SMUG1: variants seen among roughly 807,000 people sequenced by gnomAD.
The protein encoded by SMUG1 is single-strand-selective monofunctional uracil-DNA glycosylase 1.
In SMUG1, 13 loss-of-function variants were observed where a neutral mutation model predicts 23.9. The ratio of observed to expected loss-of-function variants is 0.54; its 90% confidence interval spans 0.35 to 0.86. SMUG1 has a LOEUF of 0.86. Ranked by LOEUF, SMUG1 falls within the 40% of genes least tolerant of loss-of-function variation. The pLI, the probability that SMUG1 is intolerant of heterozygous loss-of-function variation, is 0.01. For missense variants in SMUG1, 313 were observed against 339.5 expected, an observed-to-expected ratio of 0.92 and a Z score of 0.61; for synonymous variants, 133 against 139.8, an observed-to-expected ratio of 0.95 and a Z score of 0.34.
intron 2 of SMUG1, among the ~76,000 whole-genome samples, chr12:54,186,226 C>CT (rs1942416259): frequency 1.3e-5 from 2 of 152,200 alleles, no homozygotes; most frequent in Admixed American, 6.5e-5. Context: ...CAAACCATCC[C>CT]TTTGATAAAG....
rs1470431871 is a variant in SMUG1, at chr12:54,182,211, T to C, written c.698A>G (p.Gln233Arg). The change falls in exon 4 of 4, where the codon CAG (glutamine) becomes CGG (arginine). Residue 233 changes from glutamine (Q) to arginine (R), a missense_variant. Transcript: ENST00000682136. ...RALAGLMPEV[Q>R]VEGLLHPSPR... ...AGAGGGATGCAGGAGCCCTTCCACC[T>C]GGACCTCTGGCATCAGGCCTGCCAG... is the stretch of plus-strand genomic sequence containing the variant. 3.1e-6 allele frequency: 5 copies of C among 1,612,026 alleles called. No individual in the cohort carries two copies. The highest frequency in any genetic ancestry group is 3.4e-6 in the Non-Finnish European group (4 of 1,178,662).
At chr12:54,188,819 G>C (rs57222222) in intron 1 of SMUG1, 132 bp downstream of exon 1, 1 of 152,024 alleles carries the variant, frequency 6.6e-6, no homozygotes, top group African/African-American at 2.4e-5. Flanking sequence ...CCTGCACTGA[G>C]TCTTACCCCA....
intron 3 of SMUG1, among the ~76,000 whole-genome samples, chr12:54,171,314 T>C (rs1940609269): frequency 6.6e-6 from 1 of 151,396 alleles, no homozygotes; most frequent in Non-Finnish European, 1.5e-5. Context: ...TCACTTTCTA[T>C]CAGCTTTCAC....
downstream of SMUG1, among the ~76,000 whole-genome samples, chr12:54,179,062 G>A (rs1565806988): frequency 6.6e-6 from 1 of 152,148 alleles, no homozygotes; most frequent in Non-Finnish European, 1.5e-5. Flanking sequence ...TTCAGCTTTT[G>A]GACTCTTGGA....
chr12:54,172,158 CAGTG>C (rs1940636649), intron 2 of SMUG1: 1 of 440,896 alleles, frequency 2.3e-6, no homozygotes. Context: ...TGAAACCCTG[CAGTG>C]ACTTCCCATG....
chr12:54,181,609 T>C lies in SMUG1; in HGVS notation c.*487A>G, dbSNP rs1449888239. ...TCCAGCTGCAGCCTCCCATAAGAAG[T>C]TCACTCTTAATTTCATGTCCCATGC... On this transcript the variant is annotated 3_prime_UTR_variant, in exon 4 of 4. Coordinates refer to ENST00000682136, the MANE Select transcript of SMUG1 (RefSeq NM_001243787.2). 5 of 1,582,774 alleles carry C rather than the reference T, an allele frequency of 3.2e-6. No individual in the cohort carries two copies. The highest frequency in any genetic ancestry group is 4.3e-6 in the Non-Finnish European group (5 of 1,171,932).
At chr12:54,166,578 G>A (rs931747279) in intron 3 of SMUG1, among the ~76,000 whole-genome samples, 8 of 152,254 alleles carry the variant, frequency 5.3e-5, no homozygotes, top group South Asian at 2.1e-4. Context: ...CTAGCCCTCC[G>A]TGTGATGCTG....
intron 2 of SMUG1, among the ~76,000 whole-genome samples, chr12:54,174,825 T>G (rs1940714491): frequency 6.6e-6 from 1 of 152,236 alleles, no homozygotes; most frequent in Admixed American, 6.5e-5. Context: ...AGGAAAATTC[T>G]TTTGCAGGTG....
chr12:54,187,223 C>T (rs1429206479), intron 2 of SMUG1: 1 of 152,216 alleles, frequency 6.6e-6, no homozygotes, highest in Admixed American at 6.5e-5. Context: ...CTGCCTGGGT[C>T]AGGAGTGACT....
At chr12:54,177,873 A>G (rs149439232), downstream of SMUG1, among the ~76,000 whole-genome samples, 26 of 152,338 alleles carry the variant, frequency 1.7e-4, no homozygotes, top group East Asian at 5.0e-3. Flanking sequence ...CAAAAAAAGC[A>G]GTGACATGAC....
intron 2 of SMUG1, 74 bp downstream of exon 2, chr12:54,187,745 T>C (rs539786400): frequency 2.0e-5 from 3 of 152,160 alleles, no homozygotes; most frequent in Admixed American, 6.5e-5. Flanking sequence ...CTCTTCTCTA[T>C]GGAAAATCAC....
chr12:54,159,707 A>C (rs1428783813), intron 4 of SMUG1, among the ~76,000 whole-genome samples: 1 of 152,130 alleles, frequency 6.6e-6, no homozygotes, highest in Non-Finnish European at 1.5e-5. Flanking sequence ...AAAGGAAAGG[A>C]GGGAGGGAGG....
chr12:54,171,417 C>A (rs139522118), intron 3 of SMUG1, among the ~76,000 whole-genome samples: 1 of 151,006 alleles, frequency 6.6e-6, no homozygotes, highest in Non-Finnish European at 1.5e-5. Flanking sequence ...TGTGGTCGGG[C>A]GCGGTGGCTC....
In SMUG1 at chr12:54,183,811, G is replaced by GGCTCA. The variant is rs753116429; in HGVS notation, c.125_129dup (p.Gln44Ter). ...CCCACAGGCTCCGAAAACTGCAGCT[G>GGCTCA]GCTCAGCTCAGCATTGAGCCGAAGC... On this transcript the variant is annotated stop_gained and frameshift_variant, in exon 3 of 4. Coordinates refer to ENST00000682136, the MANE Select transcript of SMUG1 (RefSeq NM_001243787.2). LOFTEE classifies it high-confidence loss of function. 6.2e-7 allele frequency: 1 copy of GGCTCA among 1,614,072 alleles called. No individual in the cohort carries two copies. The highest frequency in any genetic ancestry group is 8.5e-7 in the Non-Finnish European group (1 of 1,179,984).
intron 2 of SMUG1, chr12:54,186,747 T>C (rs1225629399): frequency 6.6e-6 from 1 of 152,278 alleles, no homozygotes; most frequent in Non-Finnish European, 1.5e-5. Context: ...GAATTCCTTT[T>C]GCCTCCCCAG....
chr12:54,168,305 T>G (rs1940537670), intron 3 of SMUG1: 1 of 152,202 alleles, frequency 6.6e-6, no homozygotes, highest in African/African-American at 2.4e-5. Context: ...GAGGATACCA[T>G]CTGCCTGAGA....
chr12:54,164,394 G>C (rs1940373721), downstream of SMUG1: 1 of 152,648 alleles, frequency 6.6e-6, no homozygotes, highest in South Asian at 2.1e-4. Context: ...CAGTGGCCAG[G>C]AGAAAAAAAA....
chr12:54,171,561 G>A (rs1361707865), intron 3 of SMUG1, among the ~76,000 whole-genome samples: 4 of 151,524 alleles, frequency 2.6e-5, no homozygotes, highest in South Asian at 2.1e-4. Context: ...GTGGCAGCGC[G>A]TGCCTGTAAT....
At chr12:54,171,421 G>A (rs1185915694) in intron 3 of SMUG1, among the ~76,000 whole-genome samples, 1 of 150,878 alleles carries the variant, frequency 6.6e-6, no homozygotes, top group Non-Finnish European at 1.5e-5. Context: ...GTCGGGCGCG[G>A]TGGCTCACAC....
Sources: allele counts gnomAD v4.1 joint callset (sites outside exome capture counted in the v4.1 genomes callset), GRCh38; gene constraint gnomAD v4.1.1; transcripts MANE v1.5; gene names NCBI Gene and HGNC (gene_info 2026-07-23, HGNC 2026-07-21).